Variants in NCOA1 observed in about 807,000 individuals in gnomAD.
NCOA1 encodes Hin-2 protein.
NCOA1 carries 35 observed loss-of-function variants against 150.9 expected under a neutral mutation model. That is an observed-to-expected ratio of 0.23 (90% CI 0.18 to 0.31). The LOEUF (loss-of-function observed/expected upper bound fraction) is 0.31. NCOA1 is among the 10% of genes least tolerant of loss of function. The probability of loss-of-function intolerance (pLI) is 1.00; values close to 1 mark genes in which losing one functional copy is unlikely to be tolerated. For synonymous variants in NCOA1, 590 were observed against 630.0 expected, an observed-to-expected ratio of 0.94 and a Z score of 0.95; for missense variants, 1,491 against 1,749.3, an observed-to-expected ratio of 0.85 and a Z score of 2.63.
chr2:24,586,225 G>T (rs748575631), intron 3 of NCOA1, among the ~76,000 whole-genome samples: 62 of 134,416 alleles, frequency 4.6e-4, no homozygotes, highest in African/African-American at 1.7e-3. Flanking sequence ...GCAAAGAGCC[G>T]ATATCGTGCC....
intron 20 of NCOA1, among the ~76,000 whole-genome samples, chr2:24,754,782 T>A (rs1664419744): frequency 6.6e-6 from 1 of 152,232 alleles, no homozygotes; most frequent in Non-Finnish European, 1.5e-5. Context: ...TTACTTCTGT[T>A]TCTCCATACT....
intron 1 of NCOA1, among the ~76,000 whole-genome samples, chr2:24,544,223 G>A (rs1242053870): frequency 2.6e-5 from 4 of 152,078 alleles, no homozygotes; most frequent in African/African-American, 9.7e-5. Context: ...AGGGAAGGAT[G>A]GTTGAGTTCA....
At chr2:24,597,192 G>A (rs1667920359) in intron 3 of NCOA1, among the ~76,000 whole-genome samples, 2 of 152,102 alleles carry the variant, frequency 1.3e-5, no homozygotes, top group South Asian at 4.1e-4. Context: ...CCCATGAATA[G>A]TATCCTGAGC....
chr2:24,697,325 A>G (rs1458696514), intron 10 of NCOA1, among the ~76,000 whole-genome samples: 1 of 152,198 alleles, frequency 6.6e-6, no homozygotes, highest in Non-Finnish European at 1.5e-5. Context: ...ATCGGTCATC[A>G]GTATACAGAG....
At chr2:24,585,730 A>C (rs1667373059) in intron 3 of NCOA1, among the ~76,000 whole-genome samples, 1 of 152,158 alleles carries the variant, frequency 6.6e-6, no homozygotes, top group Non-Finnish European at 1.5e-5. Flanking sequence ...TTCAAAGTAT[A>C]GTTTACCCAA....
chr2:24,701,874 G>C (rs1673180222), intron 11 of NCOA1, among the ~76,000 whole-genome samples: 1 of 152,202 alleles, frequency 6.6e-6, no homozygotes, highest in Non-Finnish European at 1.5e-5. Flanking sequence ...GCCAGGCGTG[G>C]TGGCATGAGC....
At chr2:24,558,314 C>A (rs1356121836) in intron 1 of NCOA1, among the ~76,000 whole-genome samples, 2 of 152,218 alleles carry the variant, frequency 1.3e-5, no homozygotes, top group East Asian at 3.9e-4. Flanking sequence ...CTGTATTAGT[C>A]CATTTTCACG....
At chr2:24,737,638 C>T (rs1479435841) in intron 17 of NCOA1, among the ~76,000 whole-genome samples, 1 of 152,190 alleles carries the variant, frequency 6.6e-6, no homozygotes, top group Non-Finnish European at 1.5e-5. Flanking sequence ...CATTCTCATC[C>T]TTCAAGATGA....
At chr2:24,590,305 C>T (rs1386443379) in intron 3 of NCOA1, among the ~76,000 whole-genome samples, 6 of 152,294 alleles carry the variant, frequency 3.9e-5, no homozygotes, top group Admixed American at 3.9e-4. Flanking sequence ...TATCTACTCT[C>T]AGTACTCCCG....
In NCOA1 at chr2:24,715,749, G is replaced by C. The variant is rs536679989; in HGVS notation, c.2599+4638G>C. On this transcript the variant is annotated intron_variant, in intron 14 of 22. Coordinates refer to ENST00000348332, the MANE Select transcript of NCOA1 (RefSeq NM_003743.5). ...GAAATTAGAGGGGGGCCAAATAAAT[G>C]GAGAGGGATACCATTTTCATGGATT... Among the ~76,000 whole-genome samples the C allele has an allele frequency of 7.0e-4, 106 of 152,306 alleles. 1 individual carries two copies. Among genetic ancestry groups the C allele is most frequent in the African/African-American group, 2.4e-3 (101 of 41,560 alleles).
intron 14 of NCOA1, among the ~76,000 whole-genome samples, chr2:24,721,390 G>T (rs567127270): frequency 1.3e-5 from 2 of 152,138 alleles, no homozygotes; most frequent in East Asian, 3.9e-4. Context: ...GGTAAATTTT[G>T]ACTGTCTCTC....
intron 14 of NCOA1, among the ~76,000 whole-genome samples, chr2:24,720,768 A>G (rs952963747): frequency 2.0e-5 from 3 of 152,248 alleles, no homozygotes; most frequent in African/African-American, 7.2e-5. Context: ...GAAGAAGAAA[A>G]GAATCACTTC....
chr2:24,673,244 C>T (rs1474276768), intron 6 of NCOA1, 122 bp from the exon 7 acceptor site: 8 of 562,434 alleles, frequency 1.4e-5, no homozygotes, highest in Middle Eastern at 4.8e-4. Flanking sequence ...TGTGAAAGTG[C>T]CTAGATACTG....
intron 2 of NCOA1, among the ~76,000 whole-genome samples, chr2:24,575,576 CTTTT>C (rs763939259): frequency 7.4e-6 from 1 of 135,660 alleles, no homozygotes. Flanking sequence ...TTTTCTTTTT[CTTTT>C]TTTTTTTTTT....
chr2:24,567,736 T>G (rs982624765), intron 2 of NCOA1, among the ~76,000 whole-genome samples: 15 of 152,230 alleles, frequency 9.9e-5, no homozygotes, highest in Admixed American at 8.5e-4. Context: ...AATTTTTAAA[T>G]TAGGAATTTC....
intron 3 of NCOA1, among the ~76,000 whole-genome samples, chr2:24,605,891 C>T (rs996310194): frequency 1.3e-5 from 2 of 152,218 alleles, no homozygotes; most frequent in Non-Finnish European, 2.9e-5. Context: ...TTGTTTCTTT[C>T]ATACCAATTC....
chr2:24,724,803 A>G (rs1275474154), intron 14 of NCOA1, among the ~76,000 whole-genome samples: 1 of 148,680 alleles, frequency 6.7e-6, no homozygotes, highest in Non-Finnish European at 1.5e-5. Flanking sequence ...TTGAAATAAG[A>G]TTGAGGAATT....
In NCOA1 at chr2:24,533,924, C is replaced by T. The variant is rs186133553; in HGVS notation, c.-395-30371C>T. ...ATTCTCTTTTTTGTTGTGTCTCTGCCAGGCTTTGGTATCAGGATGATGCTG... is the reference window on the plus strand; with the variant it reads ...ATTCTCTTTTTTGTTGTGTCTCTGCTAGGCTTTGGTATCAGGATGATGCTG... On this transcript the variant is annotated intron_variant, in intron 1 of 22. Transcript: ENST00000348332. 2.3e-3 allele frequency among the ~76,000 whole-genome samples: 356 copies of T among 152,220 alleles called. 2 individuals carry two copies. The highest frequency in any genetic ancestry group is 8.3e-3 in the African/African-American group (343 of 41,538).
In NCOA1 at chr2:24,497,461, AG is replaced by A. The variant is rs778383917; in HGVS notation, c.-396+5861del. 8.1e-4 allele frequency among the ~76,000 whole-genome samples: 123 copies of A among 152,090 alleles called. 2 individuals carry two copies. Among genetic ancestry groups the A allele is most frequent in the Non-Finnish European group, 1.9e-4 (13 of 68,020 alleles). On this transcript the variant is annotated intron_variant, in intron 1 of 22. Coordinates refer to ENST00000348332, the MANE Select transcript of NCOA1 (RefSeq NM_003743.5). The stretch of plus-strand genomic sequence containing the variant: ...CAGAGACCAAGGCAGGCAGATCATG[AG>A]GTCAGGAGTTCGAGACCTGGCCAAT...
Sources: gnomAD v4.1 joint callset for allele counts (sites outside exome capture counted in the v4.1 genomes callset) on GRCh38, gnomAD v4.1.1 for gene constraint, MANE v1.5 for transcripts, NCBI Gene and HGNC (gene_info 2026-07-23, HGNC 2026-07-21) for gene names.